Variants in RP1 observed in about 807,000 individuals in gnomAD.
The protein encoded by RP1 is RP1 axonemal microtubule associated.
In RP1, 16 loss-of-function variants were observed where a neutral mutation model predicts 14.8. That is an observed-to-expected ratio of 1.08 (90% confidence interval 0.73 to 1.65). RP1 has a LOEUF of 1.65. RP1 is among the 40% of genes most tolerant of loss of function. The pLI, the probability that RP1 is intolerant of heterozygous loss-of-function variation, is 0.00. For synonymous variants in RP1, 876 were observed against 883.6 expected (o/e 0.99, Z 0.15); for missense variants, 2,631 against 2,535.0 (o/e 1.04, Z -0.81).
chr8:54,812,572 A>T (rs1811024596), intron 24 of RP1, among the ~76,000 whole-genome samples: 1 of 152,220 alleles, frequency 6.6e-6, no homozygotes. Flanking sequence ...CCTTAGAAAG[A>T]TCCGTAAAGT....
intron 22 of RP1, among the ~76,000 whole-genome samples, chr8:54,762,245 C>G (rs184638333): frequency 6.6e-6 from 1 of 152,234 alleles, no homozygotes; most frequent in East Asian, 1.9e-4. Context: ...CAAGAATTTA[C>G]AGCACAGCTG....
chr8:54,709,590 G>C (rs1358651717), intron 15 of RP1, among the ~76,000 whole-genome samples: 2 of 152,208 alleles, frequency 1.3e-5, no homozygotes, highest in Non-Finnish European at 2.9e-5. Flanking sequence ...CAGTGAAATT[G>C]ATTGATAAAG....
At chr8:54,587,895 C>G (rs2129299679) in intron 1 of RP1, among the ~76,000 whole-genome samples, 1 of 152,174 alleles carries the variant, frequency 6.6e-6, no homozygotes, top group Non-Finnish European at 1.5e-5. Flanking sequence ...TTTATAGATT[C>G]TACTTACAAA....
chr8:54,770,893 A>G (rs1348097443), downstream of RP1, among the ~76,000 whole-genome samples: 1 of 151,944 alleles, frequency 6.6e-6, no homozygotes, highest in African/African-American at 2.4e-5. Flanking sequence ...TTAATATGTT[A>G]CATTTTTAAA....
At chr8:54,721,075 T>TAC (rs1219179071) in intron 16 of RP1, among the ~76,000 whole-genome samples, 2 of 152,252 alleles carry the variant, frequency 1.3e-5, no homozygotes. Context: ...ACTGTATGTG[T>TAC]ATATATAATA....
intron 19 of RP1, among the ~76,000 whole-genome samples, chr8:54,740,396 T>G (rs1585651314): frequency 1.1e-5 from 1 of 91,384 alleles, no homozygotes; most frequent in African/African-American, 4.8e-5. Flanking sequence ...CAAGAAAGCT[T>G]AAAAAGTAAA....
exon 18 of RP1, chr8:54,734,727 C>T (rs753423406): frequency 1.7e-5 from 26 of 1,531,850 alleles, no homozygotes; most frequent in Non-Finnish European, 2.1e-5. Context: ...CCTTCCAGGA[C>T]ACGAGGATGA....
chr8:54,716,180 G>T (rs75942711), intron 15 of RP1, among the ~76,000 whole-genome samples: 4,423 of 152,176 alleles, frequency 0.029, 124 homozygotes, highest in African/African-American at 0.065. Context: ...ATGAAACACA[G>T]TTTGGCTGAA....
At position 54,621,167 on chromosome 8, in the gene RP1, G is replaced by C; in HGVS notation, c.201G>C (p.Leu67=). 1.2e-6 allele frequency: 2 copies of C among 1,614,146 alleles called. No individual in the cohort carries two copies. Among genetic ancestry groups the C allele is most frequent in the Non-Finnish European group, 1.7e-6 (2 of 1,180,022 alleles). The change falls in exon 2 of 4, where the codon CTG becomes CTC. Residue 67 remains leucine (L), a synonymous_variant. Coordinates refer to ENST00000220676, the MANE Select transcript of RP1 (RefSeq NM_006269.2). ...CCTTTAAGTCCTTTGATGCTCTGCTGGATAACTTGTCCAGGAAGGTGCCCC... is the reference window on the plus strand; with the variant it reads ...CCTTTAAGTCCTTTGATGCTCTGCTCGATAACTTGTCCAGGAAGGTGCCCC... ...PRSFKSFDAL[L]DNLSRKVPLP...
chr8:54,722,295 G>A (rs1305474285), intron 16 of RP1, among the ~76,000 whole-genome samples: 2 of 148,446 alleles, frequency 1.3e-5, no homozygotes, highest in Non-Finnish European at 3.0e-5. Context: ...TGTGTGTGAC[G>A]GAGTCTCATT....
intron 24 of RP1, among the ~76,000 whole-genome samples, chr8:54,828,250 T>G (rs1295903263): frequency 1.3e-5 from 2 of 152,204 alleles, no homozygotes; most frequent in East Asian, 3.8e-4. Flanking sequence ...CTGCTATGGT[T>G]TGGAAATGAT....
chr8:54,766,023 G>T (rs1337638156), intron 22 of RP1, among the ~76,000 whole-genome samples: 1 of 152,118 alleles, frequency 6.6e-6, no homozygotes, highest in Admixed American at 6.6e-5. Flanking sequence ...GAAGGAAGGA[G>T]GGAGGGGGGT....
intron 1 of RP1, among the ~76,000 whole-genome samples, chr8:54,599,944 A>T (rs1273709243): frequency 6.6e-6 from 1 of 152,146 alleles, no homozygotes; most frequent in Non-Finnish European, 1.5e-5. Flanking sequence ...TTACTACCAG[A>T]TGTGGATGGA....
At chr8:54,633,203 A>G (rs1049295312), downstream of RP1, among the ~76,000 whole-genome samples, 1 of 152,162 alleles carries the variant, frequency 6.6e-6, no homozygotes, top group African/African-American at 2.4e-5. Context: ...ATATACTATT[A>G]GTATATTTAG....
chr8:54,664,252 T>C (rs1806963699), intron 7 of RP1, among the ~76,000 whole-genome samples: 1 of 152,156 alleles, frequency 6.6e-6, no homozygotes, highest in Non-Finnish European at 1.5e-5. Context: ...AATACTCCAT[T>C]GTGTGTAAAC....
At chr8:54,584,805 T>C (rs917909379) in intron 1 of RP1, among the ~76,000 whole-genome samples, 2 of 152,196 alleles carry the variant, frequency 1.3e-5, no homozygotes, top group Non-Finnish European at 2.9e-5. Context: ...CTGTTTTATC[T>C]GAGACTAAGA....
intron 1 of RP1, among the ~76,000 whole-genome samples, chr8:54,609,978 A>G (rs1805553765): frequency 6.6e-6 from 1 of 152,212 alleles, no homozygotes; most frequent in African/African-American, 2.4e-5. Context: ...GATTTTAAAT[A>G]TGGAAAAACA....
chr8:54,582,989 A>C (rs1804833298), intron 1 of RP1, among the ~76,000 whole-genome samples: 1 of 152,070 alleles, frequency 6.6e-6, no homozygotes. Flanking sequence ...AATACCCTTT[A>C]TTTCCTTCTC....
intron 17 of RP1, among the ~76,000 whole-genome samples, chr8:54,731,006 A>G (rs1027426835): frequency 1.3e-5 from 2 of 152,106 alleles, no homozygotes; most frequent in African/African-American, 4.8e-5. Flanking sequence ...ATGACATGTT[A>G]GAATAAATCA....
Sources: gnomAD v4.1 joint callset for allele counts (sites outside exome capture counted in the v4.1 genomes callset) on GRCh38, gnomAD v4.1.1 for gene constraint, MANE v1.5 for transcripts, NCBI Gene and HGNC (gene_info 2026-07-23, HGNC 2026-07-21) for gene names.